Variants in UBE2E2 observed in about 807,000 individuals in gnomAD.
The protein encoded by UBE2E2 is ubiquitin conjugating enzyme E2 E2, also known as ubiquitin-conjugating enzyme E2 E2.
Under a neutral mutation model 24.7 loss-of-function variants are expected in UBE2E2, and 6 were observed. The observed-to-expected ratio is 0.24, with a 90% CI of 0.13 to 0.48. UBE2E2 has a LOEUF of 0.48. Among genes scored for constraint, UBE2E2 ranks in the 20% least tolerant of loss-of-function variants. UBE2E2 has a pLI of 0.99. For synonymous variants in UBE2E2, 104 were observed against 83.6 expected (o/e 1.24, Z -1.33); for missense variants, 169 against 245.0 (o/e 0.69, Z 2.07).
chr3:23,497,520 A>G (rs1439775180), intron 3 of UBE2E2, among the ~76,000 whole-genome samples: 1 of 152,206 alleles, frequency 6.6e-6, no homozygotes, highest in African/African-American at 2.4e-5. Flanking sequence ...TTATGCAGTT[A>G]TGATTTAATA....
At chr3:23,215,129 A>T (rs1158999801) in intron 2 of UBE2E2, among the ~76,000 whole-genome samples, 2 of 152,108 alleles carry the variant, frequency 1.3e-5, no homozygotes, top group African/African-American at 4.8e-5. Flanking sequence ...TCCTATGAAT[A>T]ACATGTTTTT....
At chr3:23,571,250 A>G (rs1229161642) in intron 5 of UBE2E2, among the ~76,000 whole-genome samples, 3 of 122,256 alleles carry the variant, frequency 2.5e-5, no homozygotes, top group Non-Finnish European at 3.4e-5. Flanking sequence ...TCTCTTTGCT[A>G]TCAGAGTCCC....
intron 3 of UBE2E2, among the ~76,000 whole-genome samples, chr3:23,455,528 G>C (rs1470711490): frequency 6.6e-6 from 1 of 151,984 alleles, no homozygotes; most frequent in Non-Finnish European, 1.5e-5. Flanking sequence ...GACCAGCCTG[G>C]TCAACATAAT....
At chr3:23,332,674 G>GGTGT (rs3086989) in intron 3 of UBE2E2, among the ~76,000 whole-genome samples, 1,710 of 108,036 alleles carry the variant, frequency 0.016, 18 homozygotes, top group South Asian at 0.037. Context: ...CAGCCAGTGG[G>GGTGT]GTGTGTGTGT....
At chr3:23,449,390 A>G (rs17013266) in intron 3 of UBE2E2, among the ~76,000 whole-genome samples, 26,297 of 152,210 alleles carry the variant, frequency 0.17, 3,061 homozygotes, top group African/African-American at 0.33. Flanking sequence ...GAATGTTCAC[A>G]AGAAGTAACT....
Position 23,254,907 on chromosome 3 carries a change from T to A in UBE2E2, c.227+37595T>A, listed in dbSNP as rs562552505. ...GGAACTCAGCTTCTTTAAGGCTTTTTTTTTCCCCCCTTATGTCTCATGATA... is the reference window on the plus strand; with the variant it reads ...GGAACTCAGCTTCTTTAAGGCTTTTATTTTCCCCCCTTATGTCTCATGATA... On this transcript the variant is annotated intron_variant, in intron 3 of 5. Coordinates refer to ENST00000396703, the MANE Select transcript of UBE2E2 (RefSeq NM_152653.4). Among the ~76,000 whole-genome samples the A allele has an allele frequency of 2.6e-5, 4 of 152,122 alleles. No individual in the cohort carries two copies. The East Asian group carries it at 5.8e-4, about 22-fold the overall frequency.
At chr3:23,453,603 C>T (rs1328564122) in intron 3 of UBE2E2, among the ~76,000 whole-genome samples, 1 of 152,086 alleles carries the variant, frequency 6.6e-6, no homozygotes, top group Non-Finnish European at 1.5e-5. Flanking sequence ...ATTTTAAAAT[C>T]CCTTTTTATA....
At chr3:23,222,433 T>C (rs1222504947) in intron 3 of UBE2E2, among the ~76,000 whole-genome samples, 1 of 152,164 alleles carries the variant, frequency 6.6e-6, no homozygotes, top group Non-Finnish European at 1.5e-5. Context: ...CCACGTGTTG[T>C]GGGAGGGACT....
intron 3 of UBE2E2, among the ~76,000 whole-genome samples, chr3:23,328,266 A>T (rs1694959689): frequency 6.6e-6 from 1 of 152,214 alleles, no homozygotes; most frequent in Non-Finnish European, 1.5e-5. Flanking sequence ...TCTCTGTGTC[A>T]TCTTTGAATC....
intron 3 of UBE2E2, among the ~76,000 whole-genome samples, chr3:23,403,944 A>G (rs1386835844): frequency 6.6e-6 from 1 of 152,192 alleles, no homozygotes. Context: ...CCATTGCAGC[A>G]TCTGTCATTA....
chr3:23,203,503 G>GCGTCCTCCCTCTCGCTGA (rs1696026571), intron 1 of UBE2E2, 39 bp downstream of exon 1: 3 of 974,766 alleles, frequency 3.1e-6, no homozygotes, highest in Non-Finnish European at 3.6e-6. Context: ...CCCTCCTCGG[G>GCGTCCTCCCTCTCGCTGA]CGTCCTCCCT....
In UBE2E2 at chr3:23,298,750, T is replaced by C. The variant is rs1304385171; in HGVS notation, c.227+81438T>C. Among the ~76,000 whole-genome samples the C allele has an allele frequency of 3.3e-5, 5 of 151,994 alleles. No homozygotes were observed. The East Asian group carries it at 9.6e-4, about 29-fold the overall frequency. The stretch of plus-strand genomic sequence containing the variant: ...TCAAGGATATTGGTCTAAAATTCTC[T>C]TTTTTGGTTGTGTCTCTGCCAGGCT... On this transcript the variant is annotated intron_variant, in intron 3 of 5. Coordinates refer to ENST00000396703, the MANE Select transcript of UBE2E2 (RefSeq NM_152653.4).
chr3:23,578,710 A>G (rs1696400859), intron 5 of UBE2E2, among the ~76,000 whole-genome samples: 1 of 152,136 alleles, frequency 6.6e-6, no homozygotes, highest in Admixed American at 6.6e-5. Flanking sequence ...TCACTTATAA[A>G]TGGGAGCTGA....
chr3:23,291,896 T>C (rs1269243421), intron 3 of UBE2E2, among the ~76,000 whole-genome samples: 2 of 139,362 alleles, frequency 1.4e-5, no homozygotes, highest in Non-Finnish European at 3.1e-5. Flanking sequence ...TCTCGCTCTT[T>C]GGCCCAGGCC....
chr3:23,532,574 C>A lies in UBE2E2; in HGVS notation c.381C>A (p.Ile127=). 6.5e-7 allele frequency: 1 copy of A among 1,533,570 alleles called. No homozygotes were observed. Among genetic ancestry groups the A allele is most frequent in the Non-Finnish European group, 8.9e-7 (1 of 1,124,624 alleles). The allele number at this position is 1,533,570 out of a possible 1,614,324, so 95.0% of individuals were successfully genotyped here. A position where few individuals can be genotyped will look rare whatever the true frequency, so the allele number is the denominator to read the frequency against. ...TGTAGGTTACCTTCCGAACAAGAAT[C>A]TATCACTGTAATATTAACAGCCAAG... The part of the protein sequence containing the change: ...KPPKVTFRTR[I]YHCNINSQGV... The change falls in exon 5 of 6, where the codon ATC becomes ATA. Residue 127 remains isoleucine (I), a synonymous_variant. Coordinates refer to ENST00000396703, the MANE Select transcript of UBE2E2 (RefSeq NM_152653.4).
chr3:23,411,657 A>G (rs897035986), intron 3 of UBE2E2, among the ~76,000 whole-genome samples: 1 of 152,196 alleles, frequency 6.6e-6, no homozygotes, highest in Non-Finnish European at 1.5e-5. Context: ...TTGTATGTCA[A>G]AAGCATGATA....
rs1034015383 is a variant in UBE2E2 at position 23,392,500 on chromosome 3, A to T, written c.228-107108A>T. Among the ~76,000 whole-genome samples the T allele has an allele frequency of 3.4e-5, 5 of 147,376 alleles. No individual in the cohort carries two copies. The South Asian group carries it at 6.3e-4, about 19-fold the overall frequency. ...ATTTCTCAGTTTCCTCTTATAGTTT[A>T]AAAAAAAACAAAACAGGAAGAAGAA... On this transcript the variant is annotated intron_variant, in intron 3 of 5. Transcript: ENST00000396703.
rs1044894149 is a variant in UBE2E2, at chr3:23,483,878, A to G, written c.228-15730A>G. Among the ~76,000 whole-genome samples, 8 of 152,270 alleles carry G rather than the reference A, an allele frequency of 5.3e-5. No homozygotes were observed. In the East Asian group the frequency reaches 1.5e-3, roughly 29 times the overall value. ...CTTTTTAAAGCAGTGGACTCCTTTT[A>G]TTCAAAGAGTATTTAAAGAAATTAT... On this transcript the variant is annotated intron_variant, in intron 3 of 5. Coordinates refer to ENST00000396703, the MANE Select transcript of UBE2E2 (RefSeq NM_152653.4).
intron 3 of UBE2E2, among the ~76,000 whole-genome samples, chr3:23,347,103 T>C (rs982541576): frequency 6.6e-6 from 1 of 152,150 alleles, no homozygotes. Context: ...GAATAGTCCA[T>C]AGGGACTGTA....
Sources: allele counts gnomAD v4.1 joint callset (sites outside exome capture counted in the v4.1 genomes callset), GRCh38; gene constraint gnomAD v4.1.1; transcripts MANE v1.5; gene names NCBI Gene and HGNC (gene_info 2026-07-23, HGNC 2026-07-21).